The following PKHD1 variants were observed in gnomAD, a reference collection of about 807,000 sequenced individuals.
PKHD1 encodes fibrocystin.
PKHD1 carries 291 observed loss-of-function variants against 412.0 expected under a neutral mutation model. That is an observed-to-expected ratio of 0.71 (90% CI 0.64 to 0.78). The LOEUF (loss-of-function observed/expected upper bound fraction) is 0.78, where lower values mean the gene tolerates loss of function less well. Among genes scored for constraint, PKHD1 ranks in the 30% least tolerant of loss-of-function variants. The pLI, the probability that PKHD1 is intolerant of heterozygous loss-of-function variation, is 0.00. For synonymous variants in PKHD1, 1,777 were observed against 1,821.5 expected, an observed-to-expected ratio of 0.98 and a Z score of 0.62; for missense variants, 4,825 against 4,950.7, an observed-to-expected ratio of 0.97 and a Z score of 0.76.
intron 60 of PKHD1, chr6:51,721,168 T>A: frequency 1.1e-6 from 1 of 940,214 alleles, no homozygotes; most frequent in Admixed American, 6.2e-5. Flanking sequence ...GTTATTTATA[T>A]CCTACTGCTT....
chr6:51,699,920 A>AGTGTGTGTGTGTGTGTGTGTGTGTGT (rs148337538), intron 60 of PKHD1, among the ~76,000 whole-genome samples: 3 of 137,898 alleles, frequency 2.2e-5, no homozygotes, highest in East Asian at 2.2e-4. Flanking sequence ...ATATATATGG[A>AGTGTGTGTGTGTGTGTGTGTGTGTGT]GTGTGTGTGT....
chr6:51,861,628 T>C (rs1774198359), intron 48 of PKHD1, among the ~76,000 whole-genome samples: 1 of 152,202 alleles, frequency 6.6e-6, no homozygotes, highest in Non-Finnish European at 1.5e-5. Flanking sequence ...CCTTTAAAAA[T>C]ACACCATGCT....
intron 50 of PKHD1, among the ~76,000 whole-genome samples, chr6:51,845,256 G>A (rs1770936855): frequency 6.6e-6 from 1 of 152,182 alleles, no homozygotes; most frequent in South Asian, 2.1e-4. Context: ...CAAAATTACA[G>A]CTAAATTTAC....
chr6:52,075,987 G>C (rs1429115137), intron 6 of PKHD1, among the ~76,000 whole-genome samples: 1 of 152,106 alleles, frequency 6.6e-6, no homozygotes, highest in Non-Finnish European at 1.5e-5. Context: ...TTAAAAGCAA[G>C]GATGACTCCT....
At chr6:51,677,897 G>C (rs1490088677) in intron 60 of PKHD1, among the ~76,000 whole-genome samples, 1 of 151,966 alleles carries the variant, frequency 6.6e-6, no homozygotes, top group African/African-American at 2.4e-5. Context: ...TTTATTAGTA[G>C]AAATCTGTTC....
At chr6:51,661,099 A>T (rs1347299653) in intron 60 of PKHD1, among the ~76,000 whole-genome samples, 1 of 152,148 alleles carries the variant, frequency 6.6e-6, no homozygotes, top group African/African-American at 2.4e-5. Flanking sequence ...TGTGTATCCA[A>T]TGTTTCTGTC....
rs1208216932 is a variant in PKHD1 at position 51,764,169 on chromosome 6, C to CA, written c.8642+8532dup. On this transcript the variant is annotated intron_variant, in intron 55 of 66. Coordinates refer to ENST00000371117, the MANE Select transcript of PKHD1 (RefSeq NM_138694.4). ...CCTGTGTCCACGTGTACTCATCTGA[C>CA]AGAGGGCTAATATCCAGAATCTACA... Among the ~76,000 whole-genome samples the CA allele has an allele frequency of 3.4e-5, 5 of 146,526 alleles. No homozygotes were observed. In the Admixed American group the frequency reaches 3.5e-4, roughly 10 times the overall value.
At chr6:51,894,988 T>TA (rs1434559193) in intron 43 of PKHD1, among the ~76,000 whole-genome samples, 13 of 152,360 alleles carry the variant, frequency 8.5e-5, no homozygotes, top group African/African-American at 3.1e-4. Context: ...CACAATTTTC[T>TA]ATCACATCTC....
intron 60 of PKHD1, among the ~76,000 whole-genome samples, chr6:51,735,893 C>G (rs1221876014): frequency 2.0e-5 from 3 of 152,080 alleles, no homozygotes; most frequent in Non-Finnish European, 4.4e-5. Context: ...ATGATTGTAC[C>G]ACTGCACTCT....
intron 50 of PKHD1, among the ~76,000 whole-genome samples, chr6:51,843,688 T>C (rs1207578503): frequency 6.6e-6 from 1 of 152,216 alleles, no homozygotes; most frequent in Admixed American, 6.5e-5. Flanking sequence ...TACACGATAA[T>C]AGTTCATCGT....
chr6:51,802,517 C>T (rs1303631196), intron 52 of PKHD1, among the ~76,000 whole-genome samples: 1 of 151,556 alleles, frequency 6.6e-6, no homozygotes, highest in African/African-American at 2.4e-5. Context: ...TAAATTTTTA[C>T]ATGTTACAGT....
At chr6:51,806,911 A>G (rs1347430731) in intron 52 of PKHD1, among the ~76,000 whole-genome samples, 1 of 152,132 alleles carries the variant, frequency 6.6e-6, no homozygotes, top group Non-Finnish European at 1.5e-5. Context: ...ACACTTTGTT[A>G]CAACAGGAGG....
At chr6:51,810,376 A>G (rs1764515184) in intron 52 of PKHD1, among the ~76,000 whole-genome samples, 2 of 152,236 alleles carry the variant, frequency 1.3e-5, no homozygotes, top group African/African-American at 4.8e-5. Flanking sequence ...GAAAACAACA[A>G]CAAAAAACAG....
intron 31 of PKHD1, among the ~76,000 whole-genome samples, chr6:52,027,359 C>A (rs1439390364): frequency 6.6e-6 from 1 of 151,748 alleles, no homozygotes; most frequent in African/African-American, 2.4e-5. Context: ...TGGTGAAACC[C>A]CATCTCTACT....
intron 63 of PKHD1, among the ~76,000 whole-genome samples, chr6:51,647,100 G>C (rs1770186862): frequency 6.6e-6 from 1 of 152,078 alleles, no homozygotes; most frequent in Non-Finnish European, 1.5e-5. Flanking sequence ...CCTTAATTCT[G>C]TTTCTCAAAC....
intron 37 of PKHD1, among the ~76,000 whole-genome samples, chr6:51,914,982 C>T (rs780745115): frequency 6.6e-6 from 1 of 152,128 alleles, no homozygotes; most frequent in Admixed American, 6.6e-5. Context: ...TCAGCAAAAT[C>T]TGTGTGTACA....
intron 55 of PKHD1, among the ~76,000 whole-genome samples, chr6:51,756,711 G>A (rs1181463482): frequency 6.6e-6 from 1 of 152,152 alleles, no homozygotes; most frequent in African/African-American, 2.4e-5. Flanking sequence ...ATGGATGGTG[G>A]GATTATTAGT....
Position 51,764,922 on chromosome 6 carries a change from A to G in PKHD1, c.8642+7780T>C, listed in dbSNP as rs141394544. Among the ~76,000 whole-genome samples, 422 of 152,068 alleles carry G rather than the reference A, an allele frequency of 2.8e-3. 3 individuals carry two copies. The highest frequency in any genetic ancestry group is 5.6e-3 in the Admixed American group (85 of 15,258). The stretch of plus-strand genomic sequence containing the variant: ...TTAGAATGCCCCCAATCTCAATCCC[A>G]TGCTCCAAATCTCTCTTCTACCCAT... On this transcript the variant is annotated intron_variant, in intron 55 of 66. Coordinates refer to ENST00000371117, the MANE Select transcript of PKHD1 (RefSeq NM_138694.4).
At chr6:51,920,538 T>C (rs1048898688) in intron 37 of PKHD1, among the ~76,000 whole-genome samples, 1 of 152,268 alleles carries the variant, frequency 6.6e-6, no homozygotes, top group Non-Finnish European at 1.5e-5. Flanking sequence ...CAGTATTTTA[T>C]TGAGGATTTT....
Sources: gnomAD v4.1 joint callset for allele counts (sites outside exome capture counted in the v4.1 genomes callset) on GRCh38, gnomAD v4.1.1 for gene constraint, MANE v1.5 for transcripts, NCBI Gene and HGNC (gene_info 2026-07-23, HGNC 2026-07-21) for gene names.